The following MAP4 variants were observed in gnomAD, a reference collection of about 807,000 sequenced individuals.
MAP4 encodes microtubule associated protein 4, also known as microtubule-associated protein 4.
A neutral mutation model predicts 170.2 loss-of-function variants in MAP4; 76 were observed. The ratio of observed to expected loss-of-function variants is 0.45; its 90% CI spans 0.37 to 0.54. The LOEUF is 0.54. Among genes scored for constraint, MAP4 ranks in the 20% least tolerant of loss-of-function variants. MAP4 has a pLI of 0.00. For synonymous variants in MAP4, 909 were observed against 994.5 expected (o/e 0.91, Z 1.62); for missense variants, 2,506 against 2,748.0 (o/e 0.91, Z 1.97).
rs139499367 is a variant in MAP4, at chr3:48,064,493, CTGATT to C, written c.-20+24275_-20+24279del. On this transcript the variant is annotated intron_variant, in intron 1 of 18. Coordinates refer to the MAP4 transcript ENST00000360240. ...TCCAATTCACAAATTCTCGGACAGA[CTGATT>C]TAAGTAATAATAAAACTCTGGTCTC... Among the ~76,000 whole-genome samples, 645 of 152,220 alleles carry C rather than the reference CTGATT, an allele frequency of 4.2e-3. 4 individuals are homozygous for C. Among genetic ancestry groups the C allele is most frequent in the African/African-American group, 0.014 (588 of 41,542 alleles).
intron 3 of MAP4, among the ~76,000 whole-genome samples, chr3:47,933,752 C>T (rs955503739): frequency 6.6e-6 from 1 of 152,118 alleles, no homozygotes; most frequent in African/African-American, 2.4e-5. Flanking sequence ...AGGCGCCTGC[C>T]ACCACGCCCG....
At chr3:47,963,422 G>A (rs2100072889) in intron 3 of MAP4, among the ~76,000 whole-genome samples, 1 of 152,128 alleles carries the variant, frequency 6.6e-6, no homozygotes, top group African/African-American at 2.4e-5. Flanking sequence ...TTACACAGCA[G>A]GAATCTTAGC....
intron 10 of MAP4, among the ~76,000 whole-genome samples, chr3:47,886,440 A>C (rs147452499): frequency 6.6e-6 from 1 of 152,194 alleles, no homozygotes; most frequent in East Asian, 1.9e-4. Flanking sequence ...AGTTGGGACT[A>C]TAGGTACATG....
At chr3:47,982,213 C>G (rs1473669014) in intron 2 of MAP4, among the ~76,000 whole-genome samples, 1 of 152,050 alleles carries the variant, frequency 6.6e-6, no homozygotes, top group African/African-American at 2.4e-5. Flanking sequence ...TTCCTCTGGA[C>G]CAAGTTAAAA....
chr3:48,045,398 C>T (rs1331991135), intron 1 of MAP4, among the ~76,000 whole-genome samples: 2 of 152,080 alleles, frequency 1.3e-5, no homozygotes, highest in African/African-American at 4.8e-5. Context: ...GCATCTCTGC[C>T]TCCTGTCACA....
intron 17 of MAP4, among the ~76,000 whole-genome samples, chr3:47,859,902 G>C (rs1349855788): frequency 6.6e-6 from 1 of 152,216 alleles, no homozygotes; most frequent in African/African-American, 2.4e-5. Flanking sequence ...TGACACCACT[G>C]TAAGTGCTTT....
chr3:47,863,921 G>GGTGGGTGTGTGTGTGTGTGT (rs2073943757), intron 17 of MAP4, among the ~76,000 whole-genome samples: 1 of 110,794 alleles, frequency 9.0e-6, no homozygotes, highest in Non-Finnish European at 1.8e-5. Context: ...TGTGGGTGTG[G>GGTGGGTGTGTGTGTGTGTGT]GTGTGTGTGT....
In MAP4 at chr3:47,910,559, C is replaced by G; in HGVS notation, c.3862G>C (p.Gly1288Arg). 2 of 1,536,068 alleles carry G rather than the reference C, an allele frequency of 1.3e-6. No homozygotes were observed. The highest frequency in any genetic ancestry group is 8.7e-7 in the Non-Finnish European group (1 of 1,146,900). The part of the protein sequence containing the change: ...TPTVEAVDRK[G>R]GNFQVNFVEL... ...ACAAAATTAACCTGAAAATTTCCAC[C>G]CTTCCTGTCAACTGCTTCCACTGTG... Residue 1288 changes from glycine (G) to arginine (R), a missense_variant, in exon 9 of 21, where the codon GGT becomes CGT. Transcript: ENST00000683076.
chr3:48,053,470 A>G (rs2100128967), intron 1 of MAP4, among the ~76,000 whole-genome samples: 1 of 152,226 alleles, frequency 6.6e-6, no homozygotes, highest in African/African-American at 2.4e-5. Flanking sequence ...TTATAATATT[A>G]TGGAAAATAT....
At chr3:47,952,568 G>C (rs1268717752) in intron 3 of MAP4, among the ~76,000 whole-genome samples, 1 of 151,834 alleles carries the variant, frequency 6.6e-6, no homozygotes, top group Non-Finnish European at 1.5e-5. Flanking sequence ...TTGGGATCCT[G>C]TTGATCTATG....
At chr3:47,995,711 C>G (rs2100095149) in intron 2 of MAP4, among the ~76,000 whole-genome samples, 2 of 152,056 alleles carry the variant, frequency 1.3e-5, no homozygotes, top group Admixed American at 6.6e-5. Flanking sequence ...GTCACTCCCA[C>G]CCTAACAACA....
chr3:47,853,759 C>T (rs2149629495), intron 19 of MAP4, among the ~76,000 whole-genome samples: 1 of 152,362 alleles, frequency 6.6e-6, no homozygotes, highest in East Asian at 1.9e-4. Flanking sequence ...CAGGCCACCC[C>T]CTGCACACAG....
intron 1 of MAP4, among the ~76,000 whole-genome samples, chr3:48,048,516 T>C (rs1400012320): frequency 1.5e-5 from 2 of 134,220 alleles, no homozygotes; most frequent in African/African-American, 5.8e-5. Context: ...CTTTTTTTTT[T>C]TTTTTTTTTT....
Position 48,022,207 on chromosome 3 carries a change from C to T in MAP4, c.-19-23328G>A, listed in dbSNP as rs541824807. ...GGTGGATGGCAGCCCTAAATGTGAA[C>T]GGTAAACAATAACATGGCGAATATT... is the stretch of plus-strand genomic sequence containing the variant. On this transcript the variant is annotated intron_variant, in intron 1 of 18. Transcript: ENST00000360240. Among the ~76,000 whole-genome samples the T allele has an allele frequency of 5.9e-5, 9 of 152,054 alleles. No individual in the cohort carries two copies. The South Asian group carries it at 8.3e-4, about 14-fold the overall frequency.
intron 3 of MAP4, among the ~76,000 whole-genome samples, chr3:47,941,278 T>G (rs1386850457): frequency 6.7e-6 from 1 of 149,516 alleles, no homozygotes; most frequent in Non-Finnish European, 1.5e-5. Context: ...AACTACCATT[T>G]GTGAAGTTTT....
intron 1 of MAP4, among the ~76,000 whole-genome samples, chr3:48,080,015 TAG>T (rs770644999): frequency 5.9e-5 from 9 of 152,044 alleles, no homozygotes; most frequent in Admixed American, 3.3e-4. Context: ...ATAAAAGGCT[TAG>T]AAAGCACATT....
chr3:48,071,553 A>C (rs569193266), intron 1 of MAP4, among the ~76,000 whole-genome samples: 4 of 152,272 alleles, frequency 2.6e-5, no homozygotes, highest in Admixed American at 2.0e-4. Context: ...CATCTCAAGA[A>C]AAAAAGAAAA....
chr3:48,049,939 G>GA (rs1293755181), intron 1 of MAP4, among the ~76,000 whole-genome samples: 10 of 149,898 alleles, frequency 6.7e-5, no homozygotes, highest in Non-Finnish European at 1.0e-4. Flanking sequence ...CTTCGTCTGG[G>GA]AAAAAAAATA....
chr3:48,010,190 G>GAA (rs1272325361), intron 1 of MAP4, among the ~76,000 whole-genome samples: 1 of 152,092 alleles, frequency 6.6e-6, no homozygotes, highest in Non-Finnish European at 1.5e-5. Context: ...ACTCCACCAG[G>GAA]AAAAAAACCC....
Sources: allele counts gnomAD v4.1 joint callset (sites outside exome capture counted in the v4.1 genomes callset), GRCh38; gene constraint gnomAD v4.1.1; transcripts MANE v1.5; gene names NCBI Gene and HGNC (gene_info 2026-07-23, HGNC 2026-07-21).